SLC1A2: variants seen among roughly 807,000 people sequenced by gnomAD.
SLC1A2 encodes excitatory amino acid transporter 2.
SLC1A2 carries 15 observed loss-of-function variants against 48.8 expected under a neutral mutation model. That is an observed-to-expected ratio of 0.31 (90% CI 0.21 to 0.47). The LOEUF (loss-of-function observed/expected upper bound fraction) is 0.47, where lower values mean the gene tolerates loss of function less well. Ranked by LOEUF, SLC1A2 falls within the 20% of genes least tolerant of loss-of-function variation. The probability of loss-of-function intolerance (pLI) is 0.99; values close to 1 mark genes in which losing one functional copy is unlikely to be tolerated. For synonymous variants in SLC1A2, 279 were observed against 272.6 expected (o/e 1.02, Z -0.23); for missense variants, 502 against 730.5 (o/e 0.69, Z 3.61).
chr11:35,357,634 C>A (rs957016096), intron 1 of SLC1A2, among the ~76,000 whole-genome samples: 2 of 152,000 alleles, frequency 1.3e-5, no homozygotes, highest in African/African-American at 4.8e-5. Flanking sequence ...GACACCACAG[C>A]AATAGTGAAG....
chr11:35,367,556 G>GAGGA (rs10653501), intron 1 of SLC1A2, among the ~76,000 whole-genome samples: 113,606 of 151,656 alleles, frequency 0.75, 42,835 homozygotes, highest in East Asian at 0.95. Context: ...CAAAATGTCA[G>GAGGA]AAGACTGTTT....
intron 4 of SLC1A2, among the ~76,000 whole-genome samples, chr11:35,306,681 C>T (rs114664724): frequency 0.038 from 5,760 of 152,184 alleles, 134 homozygotes; most frequent in African/African-American, 0.061. Flanking sequence ...CTTCGTCCTT[C>T]CCCTTTCCCC....
rs764917031 is a variant in SLC1A2 at position 35,257,532 on chromosome 11, C to A, written c.*3362G>T. 2.0e-5 allele frequency: 3 copies of A among 152,148 alleles called. No individual in the cohort carries two copies. Among genetic ancestry groups the A allele is most frequent in the Non-Finnish European group, 4.4e-5 (3 of 68,036 alleles). The allele number at this position is 152,148 out of a possible 1,614,324, so 9.4% of individuals were successfully genotyped here. Reference sequence around the variant, plus strand: ...GTCCTATGTTGAAGATCTGTGAGATCTAGATGATTGCCCTGATTTTCTGAT... The same window carrying A: ...GTCCTATGTTGAAGATCTGTGAGATATAGATGATTGCCCTGATTTTCTGAT... On this transcript the variant is annotated 3_prime_UTR_variant, in exon 11 of 11. Coordinates refer to ENST00000278379, the MANE Select transcript of SLC1A2 (RefSeq NM_004171.4).
chr11:35,291,135 C>A (rs190484329), intron 7 of SLC1A2, among the ~76,000 whole-genome samples: 2 of 152,298 alleles, frequency 1.3e-5, no homozygotes, highest in East Asian at 3.9e-4. Context: ...TGCCTCCCTG[C>A]CACCTGTTTT....
intron 1 of SLC1A2, among the ~76,000 whole-genome samples, chr11:35,342,506 C>G (rs1282894328): frequency 7.4e-6 from 1 of 135,776 alleles, no homozygotes; most frequent in African/African-American, 3.1e-5. Context: ...ATGTACCTCT[C>G]AAATGAGTGT....
Position 35,301,514 on chromosome 11 carries a change from C to T in SLC1A2, c.857+5G>A. 6.2e-7 allele frequency: 1 copy of T among 1,613,438 alleles called. No homozygotes were observed. The highest frequency in any genetic ancestry group is 8.5e-7 in the Non-Finnish European group (1 of 1,179,598). ...CTGCTAAGAAGTAAGAACAAGGCCA[C>T]TTACCACATGATCATGATCACTAAC... On this transcript the variant is annotated splice_donor_5th_base_variant and intron_variant, in intron 6 of 10. Transcript: ENST00000278379.
At chr11:35,399,349 A>T (rs1003738584) in intron 1 of SLC1A2, among the ~76,000 whole-genome samples, 2 of 152,192 alleles carry the variant, frequency 1.3e-5, no homozygotes, top group Non-Finnish European at 2.9e-5. Flanking sequence ...AATTATAAAC[A>T]GCTTGAGCTT....
chr11:35,284,447 A>C (rs527686782), intron 8 of SLC1A2, among the ~76,000 whole-genome samples: 67 of 152,104 alleles, frequency 4.4e-4, no homozygotes, highest in South Asian at 1.5e-3. Context: ...TCTATGTATA[A>C]GGTGAGATAA....
At chr11:35,355,074 C>A (rs1853408604) in intron 1 of SLC1A2, among the ~76,000 whole-genome samples, 1 of 152,052 alleles carries the variant, frequency 6.6e-6, no homozygotes, top group Non-Finnish European at 1.5e-5. Flanking sequence ...GTAGTTTAAA[C>A]CATAACATTT....
chr11:35,281,390 C>A (rs115801819), intron 8 of SLC1A2, among the ~76,000 whole-genome samples: 1 of 152,158 alleles, frequency 6.6e-6, no homozygotes, highest in South Asian at 2.1e-4. Flanking sequence ...TTTCTGCTTA[C>A]GCTTTTATGT....
At chr11:35,325,673 A>G (rs1852217963) in intron 1 of SLC1A2, among the ~76,000 whole-genome samples, 1 of 152,192 alleles carries the variant, frequency 6.6e-6, no homozygotes, top group African/African-American at 2.4e-5. Context: ...TCCTGTAAAA[A>G]GCAGGCGGGC....
At position 35,315,183 on chromosome 11, in the gene SLC1A2, G is replaced by A; in HGVS notation, c.158-8C>T. The A allele has an allele frequency of 2.5e-6, 4 of 1,611,828 alleles. No homozygotes were observed. Among genetic ancestry groups the A allele is most frequent in the Non-Finnish European group, 3.4e-6 (4 of 1,178,404 alleles). On this transcript the variant is annotated splice_region_variant and splice_polypyrimidine_tract_variant and intron_variant, in intron 2 of 10. Coordinates refer to ENST00000278379, the MANE Select transcript of SLC1A2 (RefSeq NM_004171.4). ...CTGCTCCCAGGATGACACCTAAAAG[G>A]AAGGGGAAAACAATATGAATTTATT... is the stretch of plus-strand genomic sequence containing the variant.
At chr11:35,388,789 C>A (rs530778306) in intron 1 of SLC1A2, among the ~76,000 whole-genome samples, 3 of 152,170 alleles carry the variant, frequency 2.0e-5, no homozygotes, top group Non-Finnish European at 4.4e-5. Flanking sequence ...CAGGATACAC[C>A]TTCGGATGCT....
At chr11:35,304,514 C>T (rs1455540763) in intron 5 of SLC1A2, among the ~76,000 whole-genome samples, 1 of 152,148 alleles carries the variant, frequency 6.6e-6, no homozygotes, top group Non-Finnish European at 1.5e-5. Flanking sequence ...CCTTCCTACT[C>T]CTCGCTCCTT....
intron 1 of SLC1A2, among the ~76,000 whole-genome samples, chr11:35,388,603 C>G (rs140755915): frequency 0.022 from 3,404 of 152,256 alleles, 134 homozygotes; most frequent in African/African-American, 0.077. Flanking sequence ...CTATGTTGCC[C>G]AGGCTGGTCT....
chr11:35,349,171 C>G (rs930675860), intron 1 of SLC1A2, among the ~76,000 whole-genome samples: 1 of 152,078 alleles, frequency 6.6e-6, no homozygotes. Flanking sequence ...GGGGGCACTG[C>G]GGGAGCCCGG....
chr11:35,306,268 T>G (rs372173225), intron 4 of SLC1A2, 26 bp from the exon 5 acceptor site: 2 of 1,595,404 alleles, frequency 1.3e-6, no homozygotes, highest in Non-Finnish European at 1.7e-6. Flanking sequence ...AAAAAAGGCA[T>G]AGAGCTGAGA....
At chr11:35,284,075 G>A (rs1283897447) in intron 8 of SLC1A2, among the ~76,000 whole-genome samples, 3 of 97,086 alleles carry the variant, frequency 3.1e-5, no homozygotes, top group Non-Finnish European at 2.1e-5. Flanking sequence ...TAGGGTGGTT[G>A]TGAAGATTTT....
chr11:35,304,745 C>T (rs531286418), intron 5 of SLC1A2, among the ~76,000 whole-genome samples: 3 of 152,068 alleles, frequency 2.0e-5, no homozygotes, highest in Admixed American at 6.6e-5. Context: ...GTAGGCTTAC[C>T]AAATTTGGAA....
Sources: allele counts gnomAD v4.1 joint callset (sites outside exome capture counted in the v4.1 genomes callset), GRCh38; gene constraint gnomAD v4.1.1; transcripts MANE v1.5; gene names NCBI Gene and HGNC (gene_info 2026-07-23, HGNC 2026-07-21).